Variants in OR51L1 observed in about 807,000 individuals in gnomAD.
OR51L1 encodes olfactory receptor family 51 subfamily L member 1, also known as olfactory receptor 51L1.
A neutral mutation model predicts 1.4 loss-of-function variants in OR51L1; 1 was observed. That is an observed-to-expected ratio of 0.72 (90% CI 0.26 to 3.42). The LOEUF is 3.42. OR51L1 is among the 30% of genes most tolerant of loss of function. The pLI, the probability that OR51L1 is intolerant of heterozygous loss-of-function variation, is 0.20. For missense variants in OR51L1, 378 were observed against 380.0 expected (o/e 0.99, Z 0.04); for synonymous variants, 156 against 144.2 (o/e 1.08, Z -0.59).
Position 4,999,702 on chromosome 11 carries a change from C to A in OR51L1, c.720C>A (p.Leu240=). ...IASREEQLKA[L]NTCVSHICVV... ...CTCGTGAAGAGCAGCTAAAGGCACT[C>A]AACACATGTGTATCCCATATCTGTG... The change falls in exon 3 of 3, where the codon CTC becomes CTA. Residue 240 remains leucine (L), a synonymous_variant. Transcript: ENST00000641819. The A allele has an allele frequency of 1.2e-6, 2 of 1,613,976 alleles. No individual in the cohort carries two copies. Among genetic ancestry groups the A allele is most frequent in the Non-Finnish European group, 1.7e-6 (2 of 1,179,976 alleles).
At chr11:4,998,754 A>G (rs954399479) in intron 2 of OR51L1, 70 bp from the exon 3 acceptor site, 9 of 470,134 alleles carry the variant, frequency 1.9e-5, no homozygotes, top group Admixed American at 3.7e-5. Context: ...AGAGATGACC[A>G]TATTTGTGTA....
rs1409955703 is a variant in OR51L1, at chr11:5,005,352, G to A, written c.*5422G>A. Reference sequence around the variant, plus strand: ...ATCTTACGTAAAATGTAGATTTACTGAACACTAACTGAAGTCTCAGGAATG... The same window carrying A: ...ATCTTACGTAAAATGTAGATTTACTAAACACTAACTGAAGTCTCAGGAATG... On this transcript the variant is annotated 3_prime_UTR_variant, in exon 3 of 3. Coordinates refer to ENST00000641819, the MANE Select transcript of OR51L1 (RefSeq NM_001004755.2). The A allele has an allele frequency of 6.6e-6, 1 of 152,126 alleles. No individual in the cohort carries two copies. The allele number at this position is 152,126 out of a possible 1,614,324, so 9.4% of individuals were successfully genotyped here.
Position 4,999,685 on chromosome 11 carries a change from G to A in OR51L1, c.703G>A (p.Glu235Lys). Residue 235 changes from glutamate to lysine, a missense_variant, in exon 3 of 3, where the codon GAG becomes AAG. Transcript: ENST00000641819. ...TGTGCTGGATATTGCATCTCGTGAA[G>A]AGCAGCTAAAGGCACTCAACACATG... ...NTVLDIASRE[E>K]QLKALNTCVS... The A allele has an allele frequency of 6.2e-7, 1 of 1,613,998 alleles. No homozygotes were observed. Among genetic ancestry groups the A allele is most frequent in the Non-Finnish European group, 8.5e-7 (1 of 1,179,970 alleles).
rs1480425563 is a variant in OR51L1, at chr11:5,004,175, A to G, written c.*4245A>G. Reference sequence around the variant, plus strand: ...AGGTTGAAACTTCATTTGAGAATGCATAGTCTTAGCATCCTGGATGCCAGA... The same window carrying G: ...AGGTTGAAACTTCATTTGAGAATGCGTAGTCTTAGCATCCTGGATGCCAGA... On this transcript the variant is annotated 3_prime_UTR_variant, in exon 3 of 3. Transcript: ENST00000641819. 6.6e-6 allele frequency: 1 copy of G among 152,232 alleles called. No individual in the cohort carries two copies. The highest frequency in any genetic ancestry group is 2.4e-5 in the African/African-American group (1 of 41,468). The allele number at this position is 152,232 out of a possible 1,614,324, so 9.4% of individuals were successfully genotyped here.
chr11:4,999,067 C>G lies in OR51L1; in HGVS notation c.85C>G (p.Leu29Val). Residue 29 changes from leucine to valine, a missense_variant, in exon 3 of 3, where the codon CTC (leucine) becomes GTC (valine). Physicochemically the swap from Leu to Val is conservative, Grantham distance 32. Transcript: ENST00000641819. The part of the protein sequence containing the change: ...FPGLEYVHSW[L>V]SILFCLAYLV... ...TGGACTGGAGTATGTTCATTCTTGG[C>G]TCTCCATCCTCTTCTGTCTTGCATA... is the stretch of plus-strand genomic sequence containing the variant. The G allele has an allele frequency of 1.9e-6, 3 of 1,614,078 alleles. No individual in the cohort carries two copies. The highest frequency in any genetic ancestry group is 2.5e-6 in the Non-Finnish European group (3 of 1,179,954).
At chr11:4,995,592 TA>T (rs10712841) in intron 1 of OR51L1, among the ~76,000 whole-genome samples, 48,251 of 151,712 alleles carry the variant, frequency 0.32, 7,979 homozygotes, top group African/African-American at 0.36. Flanking sequence ...AGAGAGGCTG[TA>T]AAAAAATGGT....
In OR51L1 at chr11:4,998,904, T is replaced by C; in HGVS notation, c.-79T>C. ...TTTGTCCTCATTCCATTATTTGTAC[T>C]CAAAAGAGATAACTTTGAGGGATCA... is the stretch of plus-strand genomic sequence containing the variant. On this transcript the variant is annotated 5_prime_UTR_variant, in exon 3 of 3. Transcript: ENST00000641819. 2.0e-6 allele frequency: 3 copies of C among 1,471,340 alleles called. No individual in the cohort carries two copies. The South Asian group carries it at 4.0e-5, about 19-fold the overall frequency. The allele number at this position is 1,471,340 out of a possible 1,614,324, so 91.1% of individuals were successfully genotyped here.
Position 4,999,149 on chromosome 11 carries a change from C to T in OR51L1, c.167C>T (p.Ser56Phe). 2.5e-6 allele frequency: 4 copies of T among 1,613,960 alleles called. No homozygotes were observed. Among genetic ancestry groups the T allele is most frequent in the Non-Finnish European group, 3.4e-6 (4 of 1,179,844 alleles). The change falls in exon 3 of 3, where the codon TCT becomes TTT. Residue 56 changes from serine (S) to phenylalanine (F), a missense_variant. Ser to Phe is a radical substitution (Grantham distance 155). Transcript: ENST00000641819. ...CTGTCTGTCATTTGGATAGAATCCT[C>T]TCTCCATCAGCCCATGTATTACTTT... Reference protein sequence around the residue: ...TILSVIWIESSLHQPMYYFIS... With the variant: ...TILSVIWIESFLHQPMYYFIS...
intron 2 of OR51L1, among the ~76,000 whole-genome samples, chr11:4,998,308 A>G (rs1384540873): frequency 6.6e-6 from 1 of 151,888 alleles, no homozygotes; most frequent in African/African-American, 2.4e-5. Context: ...AATAGTTGCT[A>G]TACTAAACAG....
At chr11:4,998,002 C>CA (rs1248278010) in intron 2 of OR51L1, among the ~76,000 whole-genome samples, 1 of 151,706 alleles carries the variant, frequency 6.6e-6, no homozygotes, top group Non-Finnish European at 1.5e-5. Flanking sequence ...ATCAATCAAT[C>CA]AAAAAAATCA....
chr11:5,003,887 CA>C lies in OR51L1; in HGVS notation c.*3959del, dbSNP rs1269451067. 6.6e-6 allele frequency: 1 copy of C among 151,992 alleles called. No homozygotes were observed. The highest frequency in any genetic ancestry group is 1.9e-4 in the East Asian group (1 of 5,184). The allele number at this position is 151,992 out of a possible 1,614,324, so 9.4% of individuals were successfully genotyped here. On this transcript the variant is annotated 3_prime_UTR_variant, in exon 3 of 3. Coordinates refer to ENST00000641819, the MANE Select transcript of OR51L1 (RefSeq NM_001004755.2). ...AAATGTTCTTAATTTTAATTAAGTC[CA>C]ACTTATAAATTTGCTTTTATGTTTA...
chr11:4,999,841 C>T lies in OR51L1; in HGVS notation c.859C>T (p.Pro287Ser). 1.2e-6 allele frequency: 2 copies of T among 1,614,048 alleles called. No individual in the cohort carries two copies. Among genetic ancestry groups the T allele is most frequent in the Non-Finnish European group, 8.5e-7 (1 of 1,179,976 alleles). ...GGCAGACATCTACCTTCTTCTTCCC[C>T]CAGTCCTTAACCCTATTGTCTATAG... Reference protein sequence around the residue: ...LMADIYLLLPPVLNPIVYSVR... With the variant: ...LMADIYLLLPSVLNPIVYSVR... The change falls in exon 3 of 3, where the codon CCA becomes TCA. Residue 287 changes from proline (P) to serine (S), a missense_variant. Physicochemically the swap from Pro to Ser is moderately conservative, Grantham distance 74 (BLOSUM62 -1). Coordinates refer to ENST00000641819, the MANE Select transcript of OR51L1 (RefSeq NM_001004755.2).
chr11:4,996,152 C>A (rs565322165), intron 1 of OR51L1, among the ~76,000 whole-genome samples: 14 of 151,848 alleles, frequency 9.2e-5, no homozygotes, highest in Admixed American at 2.6e-4. Flanking sequence ...AGGGATAAAC[C>A]AATATGAGCA....
chr11:5,002,118 G>A lies in OR51L1; in HGVS notation c.*2188G>A, dbSNP rs1270452528. 3 of 152,134 alleles carry A rather than the reference G, an allele frequency of 2.0e-5. No individual in the cohort carries two copies. Among genetic ancestry groups the A allele is most frequent in the East Asian group, 1.9e-4 (1 of 5,196 alleles). 9.4% of individuals were successfully genotyped at this position (152,134 alleles called of 1,614,324 possible). ...TGAACACAGTTGGAAATAAAGTGGC[G>A]TACCAAAGCTGGCACATAAGAGACA... On this transcript the variant is annotated 3_prime_UTR_variant, in exon 3 of 3. Coordinates refer to ENST00000641819, the MANE Select transcript of OR51L1 (RefSeq NM_001004755.2).
chr11:4,998,173 T>C (rs1847088795), intron 2 of OR51L1, among the ~76,000 whole-genome samples: 1 of 150,164 alleles, frequency 6.7e-6, no homozygotes, highest in Non-Finnish European at 1.5e-5. Flanking sequence ...ATTTTCAAAC[T>C]ATTTAAACTC....
At position 5,004,827 on chromosome 11, in the gene OR51L1, T is replaced by G. The variant is rs528719786; in HGVS notation, c.*4897T>G. ...AAGTTGTAAGGCTTTCCTTTTGATA[T>G]TTCTAAATACAACACATGTAGAATT... On this transcript the variant is annotated 3_prime_UTR_variant, in exon 3 of 3. Coordinates refer to ENST00000641819, the MANE Select transcript of OR51L1 (RefSeq NM_001004755.2). 10 of 152,320 alleles carry G rather than the reference T, an allele frequency of 6.6e-5. No individual in the cohort carries two copies. Among genetic ancestry groups the G allele is most frequent in the African/African-American group, 2.2e-4 (9 of 41,564 alleles). The allele number at this position is 152,320 out of a possible 1,614,324, so 9.4% of individuals were successfully genotyped here. A position where few individuals can be genotyped will look rare whatever the true frequency, so the allele number is the denominator to read the frequency against.
At chr11:4,998,113 T>C (rs546370691) in intron 2 of OR51L1, among the ~76,000 whole-genome samples, 2 of 152,148 alleles carry the variant, frequency 1.3e-5, no homozygotes, top group South Asian at 2.1e-4. Flanking sequence ...AAGGGAAATG[T>C]CTTTAATGGA....
chr11:5,005,273 G>A lies in OR51L1; in HGVS notation c.*5343G>A, dbSNP rs145986977. On this transcript the variant is annotated 3_prime_UTR_variant, in exon 3 of 3. Transcript: ENST00000641819. ...TCATTTTCTTCACCTACCCAGAGAC[G>A]ACTACATGATTGAGTCTTCCTTTAC... 39 of 152,264 alleles carry A rather than the reference G, an allele frequency of 2.6e-4. No homozygotes were observed. In the East Asian group the frequency reaches 6.4e-3, roughly 25 times the overall value. The allele number at this position is 152,264 out of a possible 1,614,324, so 9.4% of individuals were successfully genotyped here. A position where few individuals can be genotyped will look rare whatever the true frequency, so the allele number is the denominator to read the frequency against.
chr11:5,000,113 C>G lies in OR51L1; in HGVS notation c.*183C>G. On this transcript the variant is annotated 3_prime_UTR_variant, in exon 3 of 3. Transcript: ENST00000641819. ...CAGGATTTTTTTGGACAAATTGTGA[C>G]AACTATGGCCTTACGTTGTCCCCAG... is the stretch of plus-strand genomic sequence containing the variant. 1.7e-6 allele frequency: 1 copy of G among 600,794 alleles called. No homozygotes were observed. The highest frequency in any genetic ancestry group is 2.8e-5 in the East Asian group (1 of 35,400). 37.2% of individuals were successfully genotyped at this position (600,794 alleles called of 1,614,324 possible).
Sources: allele counts gnomAD v4.1 joint callset (sites outside exome capture counted in the v4.1 genomes callset), GRCh38; gene constraint gnomAD v4.1.1; transcripts MANE v1.5; gene names NCBI Gene and HGNC (gene_info 2026-07-23, HGNC 2026-07-21).